Variants in ASXL3 observed in about 807,000 individuals in gnomAD.
ASXL3 encodes the protein ASXL transcriptional regulator 3, also known as putative Polycomb group protein ASXL3.
ASXL3 carries 34 observed loss-of-function variants against 170.6 expected under a neutral mutation model. The observed-to-expected ratio is 0.20, with a 90% CI of 0.15 to 0.27. ASXL3 has a LOEUF of 0.27. ASXL3 is among the 10% of genes least tolerant of loss of function. The pLI is 1.00. For synonymous variants in ASXL3, 1,002 were observed against 989.1 expected (o/e 1.01, Z -0.24); for missense variants, 2,592 against 2,695.3 (o/e 0.96, Z 0.85).
intron 4 of ASXL3, 86 bp downstream of exon 4, chr18:33,646,439 C>G: frequency 1.0e-6 from 1 of 954,168 alleles, no homozygotes; most frequent in Non-Finnish European, 1.6e-6. Context: ...GAATTTCCCA[C>G]CATTATCAAT....
chr18:33,750,131 C>G lies in ASXL3; in HGVS notation c.*3536C>G, dbSNP rs530176079. ...TAGTGGGAATGACCCCCTGAGCATG[C>G]AGAGCCCAGAGTCACTGTCCATCTG... is the stretch of plus-strand genomic sequence containing the variant. On this transcript the variant is annotated 3_prime_UTR_variant, in exon 12 of 12. Coordinates refer to ENST00000269197, the MANE Select transcript of ASXL3 (RefSeq NM_030632.3). 4 of 152,426 alleles carry G rather than the reference C, an allele frequency of 2.6e-5. No homozygotes were observed. The East Asian group carries it at 7.7e-4, about 29-fold the overall frequency. The allele number at this position is 152,426 out of a possible 1,614,324, so 9.4% of individuals were successfully genotyped here.
chr18:33,622,575 G>C (rs1275993220), intron 2 of ASXL3, among the ~76,000 whole-genome samples: 1 of 152,114 alleles, frequency 6.6e-6, no homozygotes, highest in African/African-American at 2.4e-5. Context: ...GCATGTTGCA[G>C]TCTGAAGGTG....
At chr18:33,583,399 G>A (rs1424836220) in intron 1 of ASXL3, among the ~76,000 whole-genome samples, 2 of 152,142 alleles carry the variant, frequency 1.3e-5, no homozygotes, top group Admixed American at 1.3e-4. Context: ...ATTTCAGTTG[G>A]TTTGATTCAG....
intron 4 of ASXL3, among the ~76,000 whole-genome samples, chr18:33,647,188 TA>T (rs1254671542): frequency 6.6e-6 from 1 of 152,060 alleles, no homozygotes; most frequent in Middle Eastern, 3.2e-3. Context: ...ATTTCAGTAA[TA>T]ACCCAAAGTC....
intron 2 of ASXL3, among the ~76,000 whole-genome samples, chr18:33,628,075 C>T (rs1340237149): frequency 6.6e-6 from 1 of 152,100 alleles, no homozygotes; most frequent in African/African-American, 2.4e-5. Flanking sequence ...AGTAACTGAT[C>T]AGTGTCAGGC....
chr18:33,589,643 A>G (rs2065061717), intron 1 of ASXL3, among the ~76,000 whole-genome samples: 1 of 152,156 alleles, frequency 6.6e-6, no homozygotes, highest in Non-Finnish European at 1.5e-5. Context: ...AAAGTAAATA[A>G]TCTCCTTTAT....
At chr18:33,636,305 T>TCAACAACAACAA (rs367963281) in intron 2 of ASXL3, among the ~76,000 whole-genome samples, 33 of 110,668 alleles carry the variant, frequency 3.0e-4, no homozygotes, top group African/African-American at 1.1e-3. Context: ...AACCACTGAT[T>TCAACAACAACAA]CAACAACAAC....
intron 4 of ASXL3, among the ~76,000 whole-genome samples, chr18:33,648,711 A>G (rs1011402375): frequency 6.6e-6 from 1 of 152,086 alleles, no homozygotes; most frequent in Non-Finnish European, 1.5e-5. Context: ...AAAAAGACCC[A>G]AAGACTGAGC....
At chr18:33,694,598 G>T (rs1473812075) in intron 8 of ASXL3, among the ~76,000 whole-genome samples, 1 of 151,596 alleles carries the variant, frequency 6.6e-6, no homozygotes, top group Non-Finnish European at 1.5e-5. Context: ...TAAATAAGTT[G>T]TGCCTGCTTT....
At position 33,641,677 on chromosome 18, in the gene ASXL3, G is replaced by A. The variant is rs538422189; in HGVS notation, c.138-3217G>A. 6 of 152,342 alleles carry A rather than the reference G, an allele frequency of 3.9e-5. No individual in the cohort carries two copies. In the South Asian group the frequency reaches 6.2e-4, roughly 16 times the overall value. 9.4% of individuals were successfully genotyped at this position (152,342 alleles called of 1,614,324 possible). On this transcript the variant is annotated intron_variant, in intron 2 of 11. Coordinates refer to ENST00000269197, the MANE Select transcript of ASXL3 (RefSeq NM_030632.3). ...AGGCAGCCAAATTTGGCTTTGGTGGGTTTCCTGTGCATTGTCCTATTTGTT... is the reference window on the plus strand; with the variant it reads ...AGGCAGCCAAATTTGGCTTTGGTGGATTTCCTGTGCATTGTCCTATTTGTT...
intron 8 of ASXL3, among the ~76,000 whole-genome samples, chr18:33,722,716 G>A (rs1180979652): frequency 6.6e-6 from 1 of 152,162 alleles, no homozygotes; most frequent in Non-Finnish European, 1.5e-5. Context: ...GATTATTGAT[G>A]AAGGTGGCTA....
At position 33,744,133 on chromosome 18, in the gene ASXL3, C is replaced by T. The variant is rs765311278; in HGVS notation, c.4285C>T (p.Pro1429Ser). The change falls in exon 12 of 12, where the codon CCT becomes TCT. Residue 1429 changes from proline (P) to serine (S), a missense_variant. Physicochemically the swap from Pro to Ser is moderately conservative, Grantham distance 74. Around this residue, in one of 4 missense-constraint regions of ASXL3, gnomAD observed 2,246 missense variants for 2,219.6 expected, o/e 1.01. Coordinates refer to ENST00000269197, the MANE Select transcript of ASXL3 (RefSeq NM_030632.3). ...GCTGACAATAAACTCTTATGATAGT[C>T]CTCCCAAGTTAAGTGCTGAAAGCTT... Reference protein sequence around the residue: ...NMLTINSYDSPPKLSAESLDK... With the variant: ...NMLTINSYDSSPKLSAESLDK... The T allele has an allele frequency of 2.5e-6, 4 of 1,613,888 alleles. No homozygotes were observed. Among genetic ancestry groups the T allele is most frequent in the Non-Finnish European group, 3.4e-6 (4 of 1,179,900 alleles).
Position 33,578,458 on chromosome 18 carries a change from C to CCCG in ASXL3, c.-135_-133dup, listed in dbSNP as rs552419485. The CCCG allele has an allele frequency of 0.061, 5,749 of 94,002 alleles. 231 individuals are homozygous for CCCG. Among genetic ancestry groups the CCCG allele is most frequent in the Non-Finnish European group, 0.066 (3,368 of 51,066 alleles). The allele number at this position is 94,002 out of a possible 1,614,324, so 5.8% of individuals were successfully genotyped here. ...CCACCCCCTCGCTCCATCCCTCCCA[C>CCCG]CCGCCGCCGCCGCCGCCGCCGCCGC... On this transcript the variant is annotated 5_prime_UTR_variant, in exon 1 of 12. Transcript: ENST00000269197.
chr18:33,700,179 G>A (rs2066847065), intron 8 of ASXL3, among the ~76,000 whole-genome samples: 1 of 151,988 alleles, frequency 6.6e-6, no homozygotes, highest in Admixed American at 6.6e-5. Flanking sequence ...GATTTAATAT[G>A]TTTAGAGATC....
At chr18:33,738,156 T>C (rs1599561709) in intron 10 of ASXL3, among the ~76,000 whole-genome samples, 1 of 152,022 alleles carries the variant, frequency 6.6e-6, no homozygotes, top group East Asian at 1.9e-4. Context: ...TTACATAAAT[T>C]AAGCATGTTA....
At chr18:33,735,490 G>A (rs2067529998) in intron 10 of ASXL3, among the ~76,000 whole-genome samples, 1 of 152,184 alleles carries the variant, frequency 6.6e-6, no homozygotes, top group Non-Finnish European at 1.5e-5. Context: ...GATTAAAAAT[G>A]TGACAAGCTA....
chr18:33,748,674 G>C lies in ASXL3; in HGVS notation c.*2079G>C, dbSNP rs573410535. ...GTCTGCCTGGCTCTGATATCATCCT[G>C]ATTTCGAAGATCATGCTGTTAGTCT... On this transcript the variant is annotated 3_prime_UTR_variant, in exon 12 of 12. Coordinates refer to ENST00000269197, the MANE Select transcript of ASXL3 (RefSeq NM_030632.3). 1.3e-5 allele frequency: 2 copies of C among 152,298 alleles called. No homozygotes were observed. The highest frequency in any genetic ancestry group is 3.9e-4 in the East Asian group (2 of 5,182). 9.4% of individuals were successfully genotyped at this position (152,298 alleles called of 1,614,324 possible).
chr18:33,649,984 C>T (rs538302289), intron 4 of ASXL3, among the ~76,000 whole-genome samples: 95 of 152,140 alleles, frequency 6.2e-4, no homozygotes, highest in African/African-American at 1.5e-3. Flanking sequence ...GTGGCATCAG[C>T]GGCTGAAATT....
chr18:33,735,571 T>C (rs1038073846), intron 10 of ASXL3, among the ~76,000 whole-genome samples: 5 of 152,216 alleles, frequency 3.3e-5, no homozygotes, highest in African/African-American at 1.2e-4. Flanking sequence ...ATCTAGGAGT[T>C]GAGCCCAGGA....
Sources: allele counts gnomAD v4.1 joint callset (sites outside exome capture counted in the v4.1 genomes callset), GRCh38; gene constraint gnomAD v4.1.1; regional missense constraint gnomAD v4.1.1; transcripts MANE v1.5; gene names NCBI Gene and HGNC (gene_info 2026-07-23, HGNC 2026-07-21).